Variants in NPAS3 observed in about 807,000 individuals in gnomAD.
NPAS3 encodes neuronal PAS domain-containing protein 3.
In NPAS3, 14 loss-of-function variants were observed where a neutral mutation model predicts 73.1. That is an observed-to-expected ratio of 0.19 (90% CI 0.13 to 0.30). The LOEUF is 0.30. Among genes scored for constraint, NPAS3 ranks in the 10% least tolerant of loss-of-function variants. NPAS3 has a pLI of 1.00. For synonymous variants in NPAS3, 620 were observed against 541.5 expected (o/e 1.14, Z -2.01); for missense variants, 1,096 against 1,250.0 (o/e 0.88, Z 1.86).
At chr14:32,938,486 T>TGACAGAGAGCGAGA (rs1555372900), upstream of NPAS3, among the ~76,000 whole-genome samples, 8 of 55,906 alleles carry the variant, frequency 1.4e-4, no homozygotes, top group Non-Finnish European at 2.3e-4. Context: ...AGAGAGAAAT[T>TGACAGAGAGCGAGA]GAGAGAGAGA....
intron 4 of NPAS3, among the ~76,000 whole-genome samples, chr14:33,394,025 G>C (rs547708636): frequency 6.6e-6 from 1 of 152,158 alleles, no homozygotes; most frequent in South Asian, 2.1e-4. Flanking sequence ...CAATAGCAAG[G>C]CTTGTCTGCA....
chr14:33,764,426 GAATAGAA>G (rs1468150434), intron 7 of NPAS3, among the ~76,000 whole-genome samples: 2 of 152,158 alleles, frequency 1.3e-5, no homozygotes, highest in African/African-American at 2.4e-5. Flanking sequence ...CGTTAAGCAA[GAATAGAA>G]AATAGAAAAT....
chr14:33,231,435 TG>T (rs1260726306), intron 3 of NPAS3, among the ~76,000 whole-genome samples: 1 of 152,162 alleles, frequency 6.6e-6, no homozygotes, highest in Admixed American at 6.5e-5. Flanking sequence ...AGGAAAATAT[TG>T]GAGACACAAA....
intron 7 of NPAS3, among the ~76,000 whole-genome samples, chr14:33,756,527 T>A (rs904288123): frequency 1.3e-5 from 2 of 152,210 alleles, no homozygotes; most frequent in Admixed American, 1.3e-4. Context: ...AGCACTGAGC[T>A]TGGAGGAATG....
intron 2 of NPAS3, among the ~76,000 whole-genome samples, chr14:33,201,640 G>C (rs570470198): frequency 4.6e-5 from 7 of 152,340 alleles, no homozygotes; most frequent in Admixed American, 1.3e-4. Flanking sequence ...CTTGGTCAAG[G>C]ATCATGTTGA....
chr14:33,734,194 G>T (rs1388634892), intron 6 of NPAS3, among the ~76,000 whole-genome samples: 1 of 151,962 alleles, frequency 6.6e-6, no homozygotes, highest in Non-Finnish European at 1.5e-5. Flanking sequence ...CTGTTTCTTG[G>T]ACAATTTTTT....
chr14:33,188,739 C>A (rs2046068401), intron 2 of NPAS3, among the ~76,000 whole-genome samples: 2 of 152,116 alleles, frequency 1.3e-5, no homozygotes, highest in Non-Finnish European at 1.5e-5. Context: ...AACTTTTTTA[C>A]ATTGAAATGC....
intron 3 of NPAS3, among the ~76,000 whole-genome samples, chr14:33,344,843 A>G (rs2044654319): frequency 6.6e-6 from 1 of 152,198 alleles, no homozygotes; most frequent in South Asian, 2.1e-4. Context: ...AGTTAATGCC[A>G]TGATGCAAAG....
chr14:33,755,267 A>C (rs1193225952), intron 7 of NPAS3, among the ~76,000 whole-genome samples: 2 of 152,220 alleles, frequency 1.3e-5, no homozygotes, highest in Non-Finnish European at 2.9e-5. Context: ...TGTAAAATGT[A>C]GGGTTTTAGC....
chr14:33,709,672 T>G (rs1378448026), intron 6 of NPAS3, among the ~76,000 whole-genome samples: 1 of 152,166 alleles, frequency 6.6e-6, no homozygotes. Flanking sequence ...TATCACCATT[T>G]TATAGATGAG....
chr14:33,492,680 G>C (rs1192872575), intron 4 of NPAS3, among the ~76,000 whole-genome samples: 4 of 152,172 alleles, frequency 2.6e-5, no homozygotes, highest in Non-Finnish European at 5.9e-5. Context: ...ATTGAAGCAA[G>C]GAGCTTCCCA....
chr14:33,152,558 T>A (rs2044488483), intron 2 of NPAS3, among the ~76,000 whole-genome samples: 1 of 152,126 alleles, frequency 6.6e-6, no homozygotes, highest in South Asian at 2.1e-4. Flanking sequence ...AAAAGTAGAT[T>A]TGGAGGGGAT....
intron 6 of NPAS3, among the ~76,000 whole-genome samples, chr14:33,695,656 G>A (rs1595456658): frequency 6.6e-6 from 1 of 152,068 alleles, no homozygotes; most frequent in East Asian, 1.9e-4. Context: ...TAACTTTCAA[G>A]GTTTAAACAG....
chr14:32,976,705 C>G (rs187476113), intron 1 of NPAS3, among the ~76,000 whole-genome samples: 23 of 152,300 alleles, frequency 1.5e-4, no homozygotes, highest in Middle Eastern at 3.4e-3. Flanking sequence ...TGCATACACA[C>G]AGAGCACAGC....
At chr14:33,643,188 A>C (rs1469411693) in intron 5 of NPAS3, among the ~76,000 whole-genome samples, 1 of 152,078 alleles carries the variant, frequency 6.6e-6, no homozygotes, top group African/African-American at 2.4e-5. Context: ...TTGTAGCAGC[A>C]TACCATGATG....
intron 6 of NPAS3, among the ~76,000 whole-genome samples, chr14:33,706,839 C>T (rs1566448186): frequency 6.6e-6 from 1 of 152,296 alleles, no homozygotes; most frequent in East Asian, 1.9e-4. Flanking sequence ...CCTCCCCTGG[C>T]TCCGTCTCAC....
At chr14:33,671,220 A>C (rs1020476257) in intron 5 of NPAS3, among the ~76,000 whole-genome samples, 4 of 152,208 alleles carry the variant, frequency 2.6e-5, no homozygotes, top group African/African-American at 9.6e-5. Flanking sequence ...ACATCACTGT[A>C]GTTAAAAAGT....
chr14:33,552,240 C>G (rs566764996), intron 4 of NPAS3, among the ~76,000 whole-genome samples: 1 of 152,152 alleles, frequency 6.6e-6, no homozygotes, highest in African/African-American at 2.4e-5. Context: ...ACAGCTATAT[C>G]GAGGTGTGAA....
intron 6 of NPAS3, among the ~76,000 whole-genome samples, chr14:33,699,424 G>A (rs943120176): frequency 1.3e-5 from 2 of 152,084 alleles, no homozygotes; most frequent in Non-Finnish European, 2.9e-5. Context: ...AGTAAGTTCT[G>A]GGAGCTCAGG....
Sources: allele counts gnomAD v4.1 joint callset (sites outside exome capture counted in the v4.1 genomes callset), GRCh38; gene constraint gnomAD v4.1.1; transcripts MANE v1.5; gene names NCBI Gene and HGNC (gene_info 2026-07-23, HGNC 2026-07-21).